ASCC3: variants seen among roughly 807,000 people sequenced by gnomAD.
ASCC3 encodes activating signal cointegrator 1 complex subunit 3.
Under a neutral mutation model 256.3 loss-of-function variants are expected in ASCC3, and 158 were observed. The ratio of observed to expected loss-of-function variants is 0.62; its 90% CI spans 0.54 to 0.70. The LOEUF is 0.70. Ranked by LOEUF, ASCC3 falls within the 30% of genes least tolerant of loss-of-function variation. The pLI, the probability that ASCC3 is intolerant of heterozygous loss-of-function variation, is 0.00. For synonymous variants in ASCC3, 948 were observed against 883.4 expected (o/e 1.07, Z -1.30); for missense variants, 2,259 against 2,626.0 (o/e 0.86, Z 3.05).
In ASCC3 at chr6:100,591,339, TAA is replaced by T. The variant is rs559660676; in HGVS notation, c.5304-1282_5304-1281del. On this transcript the variant is annotated intron_variant, in intron 34 of 41. Coordinates refer to ENST00000369162, the MANE Select transcript of ASCC3 (RefSeq NM_006828.4). Reference sequence around the variant, plus strand: ...AAAAATTCTGGACATTCAAGCCATATAAAAGATACAAATATCCAAAGTCATTC... The same window carrying T: ...AAAAATTCTGGACATTCAAGCCATATAAGATACAAATATCCAAAGTCATTC... 2.3e-3 allele frequency among the ~76,000 whole-genome samples: 355 copies of T among 152,038 alleles called. 1 individual carries two copies. The highest frequency in any genetic ancestry group is 3.8e-3 in the Non-Finnish European group (255 of 67,878).
At chr6:100,736,449 C>T (rs1257384525) in intron 10 of ASCC3, among the ~76,000 whole-genome samples, 2 of 151,552 alleles carry the variant, frequency 1.3e-5, no homozygotes, top group East Asian at 1.9e-4. Flanking sequence ...TTCAGTGAGC[C>T]GAGATCTTGC....
intron 37 of ASCC3, among the ~76,000 whole-genome samples, chr6:100,523,796 AT>A (rs761594702): frequency 6.6e-6 from 1 of 152,196 alleles, no homozygotes; most frequent in African/African-American, 2.4e-5. Flanking sequence ...ACAGTTGCAG[AT>A]TATACTTTAA....
chr6:100,708,599 G>A (rs550167559), intron 13 of ASCC3, among the ~76,000 whole-genome samples: 4 of 152,118 alleles, frequency 2.6e-5, no homozygotes, highest in African/African-American at 9.6e-5. Context: ...TTTGGAGCGG[G>A]GAGAGCCACT....
At chr6:100,642,435 G>T in intron 24 of ASCC3, 146 bp downstream of exon 24, 1 of 841,816 alleles carries the variant, frequency 1.2e-6, no homozygotes, top group Non-Finnish European at 1.9e-6. Flanking sequence ...ATTAAATGAT[G>T]AATGACAAAT....
At chr6:100,792,613 A>G (rs965195995) in intron 8 of ASCC3, among the ~76,000 whole-genome samples, 1 of 151,902 alleles carries the variant, frequency 6.6e-6, no homozygotes, top group African/African-American at 2.4e-5. Context: ...ATATAGTCCA[A>G]CTATTTATAT....
intron 4 of ASCC3, among the ~76,000 whole-genome samples, chr6:100,841,245 T>C (rs1005128640): frequency 7.2e-5 from 11 of 152,160 alleles, no homozygotes; most frequent in Non-Finnish European, 1.6e-4. Context: ...GCCCTTCAAA[T>C]GAGTTCAGGT....
chr6:100,661,689 T>C (rs1776227571), intron 16 of ASCC3, 117 bp downstream of exon 16: 8 of 990,524 alleles, frequency 8.1e-6, no homozygotes, highest in Non-Finnish European at 1.3e-5. Context: ...TTATAACTTA[T>C]ATGGCATAGG....
At chr6:100,735,077 C>T (rs1000021169) in intron 10 of ASCC3, among the ~76,000 whole-genome samples, 2 of 152,092 alleles carry the variant, frequency 1.3e-5, no homozygotes, top group African/African-American at 2.4e-5. Context: ...TGCTAAAAGG[C>T]ATCCTTTTTT....
chr6:100,848,408 C>T lies in ASCC3; in HGVS notation c.541G>A (p.Glu181Lys), dbSNP rs752951712. 3.5e-5 allele frequency: 57 copies of T among 1,613,010 alleles called. No individual in the cohort carries two copies. Among genetic ancestry groups the T allele is most frequent in the East Asian group, 4.5e-5 (2 of 44,872 alleles). Residue 181 changes from glutamate to lysine, a missense_variant, in exon 4 of 42, where the codon GAA (glutamate) becomes AAA (lysine). Transcript: ENST00000369162. Reference sequence around the variant, plus strand: ...TGAGTTTCACCATTTATTGGCAGTTCGTCAAAGTGGTCCAAATCATGCATG... The same window carrying T: ...TGAGTTTCACCATTTATTGGCAGTTTGTCAAAGTGGTCCAAATCATGCATG... The part of the protein sequence containing the change: ...FDMHDLDHFD[E>K]LPINGETQKT...
rs1360555161 is a variant in ASCC3 at position 100,710,098 on chromosome 6, T to G, written c.2151+5364A>C. Among the ~76,000 whole-genome samples, 4 of 152,178 alleles carry G rather than the reference T, an allele frequency of 2.6e-5. No homozygotes were observed. In the East Asian group the frequency reaches 7.7e-4, roughly 29 times the overall value. ...CTAATTCTTCTTTGCAGTAAGGCAC[T>G]AAAATACAAATCTGGACACGATCTC... On this transcript the variant is annotated intron_variant, in intron 13 of 41. Coordinates refer to ENST00000369162, the MANE Select transcript of ASCC3 (RefSeq NM_006828.4).
At chr6:100,858,879 G>C in intron 3 of ASCC3, 1 of 480,630 alleles carries the variant, frequency 2.1e-6, no homozygotes, top group South Asian at 2.6e-5. Flanking sequence ...TGATTCAAGA[G>C]TCAATCAAGG....
chr6:100,510,135 T>A, intron 40 of ASCC3, 28 bp from the exon 41 acceptor site: 1 of 1,613,242 alleles, frequency 6.2e-7, no homozygotes, highest in Admixed American at 1.7e-5. Context: ...AGATACAACA[T>A]TAAAAATATC....
intron 8 of ASCC3, among the ~76,000 whole-genome samples, chr6:100,792,965 C>T (rs888424076): frequency 6.6e-6 from 1 of 151,844 alleles, no homozygotes; most frequent in Non-Finnish European, 1.5e-5. Flanking sequence ...TGGAAATTAC[C>T]TTTATGAAAT....
chr6:100,589,614 G>A lies in ASCC3; in HGVS notation c.5550+20C>T, dbSNP rs1476176970. 1 of 1,612,488 alleles carries A rather than the reference G, an allele frequency of 6.2e-7. No homozygotes were observed. Among genetic ancestry groups the A allele is most frequent in the East Asian group, 2.2e-5 (1 of 44,808 alleles). On this transcript the variant is annotated intron_variant, in intron 36 of 41. Transcript: ENST00000369162. Reference sequence around the variant, plus strand: ...AGCCCTAAATTAAAAGAGAAGATATGAAATATATGAAAAACTCACACTTAG... The same window carrying A: ...AGCCCTAAATTAAAAGAGAAGATATAAAATATATGAAAAACTCACACTTAG...
intron 4 of ASCC3, among the ~76,000 whole-genome samples, chr6:100,845,904 A>G (rs1772359412): frequency 6.6e-6 from 1 of 152,198 alleles, no homozygotes; most frequent in African/African-American, 2.4e-5. Context: ...TTTTGCCATC[A>G]GCATAGAAGT....
chr6:100,686,627 G>C (rs932715715), intron 13 of ASCC3, among the ~76,000 whole-genome samples: 6 of 152,052 alleles, frequency 3.9e-5, no homozygotes, highest in African/African-American at 1.4e-4. Context: ...GTCCTTGTTT[G>C]ATGGGCATTT....
intron 13 of ASCC3, among the ~76,000 whole-genome samples, chr6:100,695,511 A>G (rs1778041486): frequency 6.6e-6 from 1 of 152,130 alleles, no homozygotes; most frequent in Non-Finnish European, 1.5e-5. Context: ...CTAAAGTGCT[A>G]AACAGACAGA....
At chr6:100,531,651 G>A (rs1247645672) in intron 37 of ASCC3, among the ~76,000 whole-genome samples, 4 of 151,858 alleles carry the variant, frequency 2.6e-5, no homozygotes, top group Admixed American at 6.6e-5. Context: ...AATAACCAAC[G>A]TGAAAAATTT....
intron 13 of ASCC3, among the ~76,000 whole-genome samples, chr6:100,682,752 G>A (rs1777370534): frequency 6.6e-6 from 1 of 152,158 alleles, no homozygotes; most frequent in African/African-American, 2.4e-5. Flanking sequence ...CAAGATTAAA[G>A]TTGCATAAAG....
Sources: allele counts gnomAD v4.1 joint callset (sites outside exome capture counted in the v4.1 genomes callset), GRCh38; gene constraint gnomAD v4.1.1; transcripts MANE v1.5; gene names NCBI Gene and HGNC (gene_info 2026-07-23, HGNC 2026-07-21).